The following FGF2 variants were observed in gnomAD, a reference collection of about 807,000 sequenced individuals.
FGF2 encodes the protein fibroblast growth factor 2.
FGF2 carries 13 observed loss-of-function variants against 15.9 expected under a neutral mutation model. The ratio of observed to expected loss-of-function variants is 0.82; its 90% CI spans 0.53 to 1.30. The LOEUF (loss-of-function observed/expected upper bound fraction) is 1.30. Ranked by LOEUF, FGF2 falls within the 50% of genes most tolerant of loss-of-function variation. The pLI is 0.00. For synonymous variants in FGF2, 90 were observed against 78.4 expected, an observed-to-expected ratio of 1.15 and a Z score of -0.78; for missense variants, 163 against 196.9, an observed-to-expected ratio of 0.83 and a Z score of 1.03.
intron 1 of FGF2, among the ~76,000 whole-genome samples, chr4:122,851,867 A>G (rs978810513): frequency 6.6e-6 from 1 of 152,092 alleles, no homozygotes; most frequent in African/African-American, 2.4e-5. Flanking sequence ...TACTAATTCT[A>G]TGCTCTTGGG....
At position 122,892,538 on chromosome 4, in the gene FGF2, T is replaced by C. The variant is rs1356043242; in HGVS notation, c.*142T>C. 1.3e-6 allele frequency: 2 copies of C among 1,491,030 alleles called. No individual in the cohort carries two copies. Among genetic ancestry groups the C allele is most frequent in the Non-Finnish European group, 1.8e-6 (2 of 1,123,260 alleles). The allele number at this position is 1,491,030 out of a possible 1,614,324, so 92.4% of individuals were successfully genotyped here. On this transcript the variant is annotated 3_prime_UTR_variant, in exon 3 of 3. Transcript: ENST00000644866. ...CAATTTTTTATCCAGTAGTAAAATA[T>C]GTAACCATTGTCCCAGTAAAGAAAA...
At chr4:122,836,198 A>G (rs1725862572) in intron 1 of FGF2, among the ~76,000 whole-genome samples, 1 of 152,242 alleles carries the variant, frequency 6.6e-6, no homozygotes, top group Admixed American at 6.5e-5. Context: ...CATTTGCTGC[A>G]TCTATCCTCA....
intron 1 of FGF2, 120 bp from the exon 2 acceptor site, chr4:122,876,201 C>T (rs1726842289): frequency 1.4e-6 from 1 of 723,842 alleles, no homozygotes; most frequent in African/African-American, 1.7e-5. Flanking sequence ...CCAACCTCAC[C>T]AATCCTCCAA....
chr4:122,832,195 G>A (rs532774631), intron 1 of FGF2, among the ~76,000 whole-genome samples: 3 of 152,090 alleles, frequency 2.0e-5, no homozygotes, highest in Non-Finnish European at 2.9e-5. Context: ...GGCTGGCATG[G>A]GATAAAAGTC....
rs750719917 is a variant in FGF2, at chr4:122,893,256, A to G, written c.*860A>G. The G allele has an allele frequency of 3.2e-6, 5 of 1,546,460 alleles. No homozygotes were observed. In the South Asian group the frequency reaches 6.3e-5, roughly 19 times the overall value. Reference sequence around the variant, plus strand: ...TAAAAAAAGAGATGTACAAATCAATAATAATTACACTTTTAGAAACTGTAT... The same window carrying G: ...TAAAAAAAGAGATGTACAAATCAATGATAATTACACTTTTAGAAACTGTAT... On this transcript the variant is annotated 3_prime_UTR_variant, in exon 3 of 3. Coordinates refer to ENST00000644866, the MANE Select transcript of FGF2 (RefSeq NM_001361665.2).
intron 1 of FGF2, among the ~76,000 whole-genome samples, chr4:122,837,693 G>A (rs1468062335): frequency 6.6e-6 from 1 of 151,876 alleles, no homozygotes; most frequent in Admixed American, 6.6e-5. Flanking sequence ...CTCACTGGCT[G>A]GATGACTACT....
chr4:122,833,619 A>G (rs918568685), intron 1 of FGF2, among the ~76,000 whole-genome samples: 2 of 152,184 alleles, frequency 1.3e-5, no homozygotes, highest in East Asian at 1.9e-4. Flanking sequence ...ATAAATAAAC[A>G]TCATAAAAAG....
At position 122,876,331 on chromosome 4, in the gene FGF2, A is replaced by C; in HGVS notation, c.189A>C (p.Gln63His). The change falls in exon 2 of 3, where the codon CAA becomes CAC. Residue 63 changes from glutamine to histidine, a missense_variant. Coordinates refer to ENST00000644866, the MANE Select transcript of FGF2 (RefSeq NM_001361665.2). The part of the protein sequence containing the change: ...REKSDPHIKL[Q>H]LQAEERGVVS... ...TTTTTCCCGTTACAGTCAAGCTACA[A>C]CTTCAAGCAGAAGAGAGAGGAGTTG... is the stretch of plus-strand genomic sequence containing the variant. The C allele has an allele frequency of 1.2e-6, 2 of 1,610,250 alleles. No homozygotes were observed. The highest frequency in any genetic ancestry group is 1.7e-6 in the Non-Finnish European group (2 of 1,176,594).
At chr4:122,832,409 T>A (rs550021090) in intron 1 of FGF2, among the ~76,000 whole-genome samples, 1 of 151,126 alleles carries the variant, frequency 6.6e-6, no homozygotes, top group South Asian at 2.1e-4. Flanking sequence ...CGCACCCAGC[T>A]AATTTTTGCA....
intron 1 of FGF2, among the ~76,000 whole-genome samples, chr4:122,847,871 G>GC: frequency 6.6e-6 from 1 of 152,248 alleles, no homozygotes; most frequent in East Asian, 1.9e-4. Flanking sequence ...TTTGATGTGG[G>GC]CCCCCCACAA....
At chr4:122,854,122 C>T (rs983307993) in intron 1 of FGF2, among the ~76,000 whole-genome samples, 1 of 152,124 alleles carries the variant, frequency 6.6e-6, no homozygotes, top group Admixed American at 6.5e-5. Flanking sequence ...TTTTTTAGAT[C>T]TGCAAGCCTT....
chr4:122,870,655 TGG>T (rs1211274532), intron 1 of FGF2, among the ~76,000 whole-genome samples: 1 of 152,216 alleles, frequency 6.6e-6, no homozygotes, highest in Non-Finnish European at 1.5e-5. Context: ...TCTATTTCTG[TGG>T]GGTCAGTGGT....
intron 2 of FGF2, 120 bp from the exon 3 acceptor site, chr4:122,892,091 A>G (rs963007286): frequency 6.7e-6 from 6 of 893,420 alleles, no homozygotes; most frequent in Admixed American, 6.5e-5. Flanking sequence ...GCCCTGCTGA[A>G]CCCAACATCA....
intron 1 of FGF2, among the ~76,000 whole-genome samples, chr4:122,861,775 T>C (rs753177598): frequency 5.9e-5 from 9 of 152,196 alleles, no homozygotes; most frequent in Non-Finnish European, 1.2e-4. Flanking sequence ...TACATACCCC[T>C]ACACTCCATG....
At chr4:122,880,245 C>CTTTTT (rs569559456) in intron 2 of FGF2, among the ~76,000 whole-genome samples, 1 of 128,694 alleles carries the variant, frequency 7.8e-6, no homozygotes, top group Admixed American at 7.9e-5. Flanking sequence ...GCAGTCAAAT[C>CTTTTT]TTTTTTTTTT....
At chr4:122,859,341 A>G (rs2150775191) in intron 1 of FGF2, among the ~76,000 whole-genome samples, 1 of 152,360 alleles carries the variant, frequency 6.6e-6, no homozygotes, top group Admixed American at 6.5e-5. Flanking sequence ...TTGAGAAATT[A>G]TATAAGGTCT....
In FGF2 at chr4:122,828,385, T is replaced by A. The variant is rs544690697; in HGVS notation, c.178+1033T>A. Among the ~76,000 whole-genome samples the A allele has an allele frequency of 1.3e-3, 199 of 152,352 alleles. 1 individual carries two copies. The highest frequency in any genetic ancestry group is 2.5e-3 in the Non-Finnish European group (167 of 68,046). ...GTGAGAGAAAGAGGACTAGAATATA[T>A]TGTAACCTGTCCTCCTGTAAGTGTA... On this transcript the variant is annotated intron_variant, in intron 1 of 2. Transcript: ENST00000644866.
At chr4:122,880,015 G>A (rs62322254) in intron 2 of FGF2, among the ~76,000 whole-genome samples, 9 of 152,068 alleles carry the variant, frequency 5.9e-5, no homozygotes, top group African/African-American at 1.4e-4. Context: ...TCCCAAAGTC[G>A]TAACTCATTT....
intron 1 of FGF2, among the ~76,000 whole-genome samples, chr4:122,846,661 T>A (rs1360988175): frequency 6.6e-6 from 1 of 152,204 alleles, no homozygotes; most frequent in East Asian, 1.9e-4. Flanking sequence ...GAGAAAGGAA[T>A]GGGATTAAAA....
Sources: gnomAD v4.1 joint callset for allele counts (sites outside exome capture counted in the v4.1 genomes callset) on GRCh38, gnomAD v4.1.1 for gene constraint, MANE v1.5 for transcripts, NCBI Gene and HGNC (gene_info 2026-07-23, HGNC 2026-07-21) for gene names.